Variants in ST6GALNAC3 observed in about 807,000 individuals in gnomAD.
ST6GALNAC3 encodes the protein ST6 N-acetylgalactosaminide alpha-2,6-sialyltransferase 3, also known as alpha-N-acetylgalactosaminide alpha-2,6-sialyltransferase 3.
ST6GALNAC3 carries 25 observed loss-of-function variants against 32.7 expected under a neutral mutation model. That is an observed-to-expected ratio of 0.76 (90% confidence interval 0.56 to 1.07). ST6GALNAC3 has a LOEUF of 1.07. Among genes scored for constraint, ST6GALNAC3 ranks in the 50% least tolerant of loss-of-function variants. The pLI, the probability that ST6GALNAC3 is intolerant of heterozygous loss-of-function variation, is 0.00. For synonymous variants in ST6GALNAC3, 129 were observed against 133.1 expected, an observed-to-expected ratio of 0.97 and a Z score of 0.21; for missense variants, 355 against 382.4, an observed-to-expected ratio of 0.93 and a Z score of 0.60.
intron 1 of ST6GALNAC3, among the ~76,000 whole-genome samples, chr1:76,154,373 C>G (rs1449128292): frequency 6.6e-6 from 1 of 152,112 alleles, no homozygotes; most frequent in Non-Finnish European, 1.5e-5. Flanking sequence ...AGTGAAGTCC[C>G]CGAAGAGCAC....
At chr1:76,382,165 C>T (rs1206160112) in intron 2 of ST6GALNAC3, among the ~76,000 whole-genome samples, 2 of 152,082 alleles carry the variant, frequency 1.3e-5, no homozygotes, top group Admixed American at 6.6e-5. Context: ...AAGTGGAATC[C>T]TCTATGTAGG....
At chr1:76,530,766 A>G (rs1663203151) in intron 3 of ST6GALNAC3, among the ~76,000 whole-genome samples, 1 of 152,234 alleles carries the variant, frequency 6.6e-6, no homozygotes, top group Non-Finnish European at 1.5e-5. Flanking sequence ...ATTGAGGCTT[A>G]GAGAGATTAA....
intron 1 of ST6GALNAC3, among the ~76,000 whole-genome samples, chr1:76,110,614 C>T (rs1423375127): frequency 5.9e-5 from 9 of 152,200 alleles, no homozygotes; most frequent in African/African-American, 1.2e-4. Context: ...CTAGACCTGA[C>T]AGTCCAAGGA....
intron 3 of ST6GALNAC3, among the ~76,000 whole-genome samples, chr1:76,615,593 A>AT (rs1204459609): frequency 2.0e-5 from 3 of 152,196 alleles, no homozygotes; most frequent in Admixed American, 2.0e-4. Flanking sequence ...AGTTCTTCTC[A>AT]TTTTTATAGC....
chr1:76,598,234 C>T (rs986757396), intron 3 of ST6GALNAC3, among the ~76,000 whole-genome samples: 36 of 152,256 alleles, frequency 2.4e-4, no homozygotes, highest in African/African-American at 8.7e-4. Flanking sequence ...GCTCCAAACA[C>T]CATCACGACA....
chr1:76,083,308 G>A (rs958825366), intron 1 of ST6GALNAC3, among the ~76,000 whole-genome samples: 3 of 152,254 alleles, frequency 2.0e-5, no homozygotes, highest in Admixed American at 6.5e-5. Context: ...ATGCACTTGC[G>A]GTGAGCAGGG....
At chr1:76,529,409 G>A (rs1393768765) in intron 3 of ST6GALNAC3, among the ~76,000 whole-genome samples, 2 of 152,146 alleles carry the variant, frequency 1.3e-5, no homozygotes, top group African/African-American at 4.8e-5. Context: ...TTTAAAAGGT[G>A]AAGTGCTATA....
rs1649387355 is a variant in ST6GALNAC3 at position 76,633,266 on chromosome 1, T to A, written c.*4460T>A. The stretch of plus-strand genomic sequence containing the variant: ...AGCTGGAAAAAGAATGCCTAACTGA[T>A]TTACTAAAGAGTCTATTCATGGAAT... On this transcript the variant is annotated 3_prime_UTR_variant, in exon 5 of 5. Coordinates refer to ENST00000328299, the MANE Select transcript of ST6GALNAC3 (RefSeq NM_152996.4). 6.6e-6 allele frequency: 1 copy of A among 152,186 alleles called. No individual in the cohort carries two copies. Among genetic ancestry groups the A allele is most frequent in the Non-Finnish European group, 1.5e-5 (1 of 68,032 alleles). The allele number at this position is 152,186 out of a possible 1,614,324, so 9.4% of individuals were successfully genotyped here. A position where few individuals can be genotyped will look rare whatever the true frequency, so the allele number is the denominator to read the frequency against.
intron 1 of ST6GALNAC3, among the ~76,000 whole-genome samples, chr1:76,259,281 T>C (rs894293204): frequency 3.9e-5 from 6 of 152,234 alleles, no homozygotes; most frequent in East Asian, 1.9e-4. Context: ...AAACAGCAGA[T>C]ACAGTAGAGA....
chr1:76,132,669 C>T lies in ST6GALNAC3; in HGVS notation c.18+57785C>T, dbSNP rs142860521. On this transcript the variant is annotated intron_variant, in intron 1 of 4. Coordinates refer to ENST00000328299, the MANE Select transcript of ST6GALNAC3 (RefSeq NM_152996.4). ...ACTGCTCAGGTCTCATCCACAGCTA[C>T]AGTGGCTTCCACCTTGCAGCTCCCT... Among the ~76,000 whole-genome samples the T allele has an allele frequency of 2.4e-3, 371 of 152,300 alleles. 1 individual carries two copies. The highest frequency in any genetic ancestry group is 0.02 in the South Asian group (97 of 4,830).
chr1:76,480,760 A>G (rs1659670683), intron 3 of ST6GALNAC3, among the ~76,000 whole-genome samples: 1 of 152,166 alleles, frequency 6.6e-6, no homozygotes, highest in South Asian at 2.1e-4. Flanking sequence ...GGTAATAATA[A>G]TAAGTAATCA....
At chr1:76,246,235 C>CT (rs1293362120) in intron 1 of ST6GALNAC3, among the ~76,000 whole-genome samples, 1 of 151,874 alleles carries the variant, frequency 6.6e-6, no homozygotes, top group Non-Finnish European at 1.5e-5. Context: ...GCAACTCCTG[C>CT]TTTTTTTTGG....
chr1:76,377,022 A>G (rs781609094), intron 2 of ST6GALNAC3, among the ~76,000 whole-genome samples: 1 of 152,160 alleles, frequency 6.6e-6, no homozygotes, highest in Non-Finnish European at 1.5e-5. Flanking sequence ...CTACAAGTTA[A>G]ATTTAAAAAT....
intron 1 of ST6GALNAC3, among the ~76,000 whole-genome samples, chr1:76,240,735 G>A (rs1043502413): frequency 1.3e-5 from 2 of 152,088 alleles, no homozygotes; most frequent in African/African-American, 2.4e-5. Flanking sequence ...GAGCAGGCAC[G>A]TGCACACACA....
intron 1 of ST6GALNAC3, among the ~76,000 whole-genome samples, chr1:76,100,931 T>A (rs1647210191): frequency 6.6e-6 from 1 of 152,052 alleles, no homozygotes; most frequent in African/African-American, 2.4e-5. Context: ...CATATAACCC[T>A]TGCCCCATCC....
chr1:76,359,198 A>T (rs1649734150), intron 2 of ST6GALNAC3, among the ~76,000 whole-genome samples: 1 of 152,212 alleles, frequency 6.6e-6, no homozygotes, highest in African/African-American at 2.4e-5. Flanking sequence ...AGGAAATGAC[A>T]GGATCCTATT....
chr1:76,118,526 G>A (rs1648639162), intron 1 of ST6GALNAC3, among the ~76,000 whole-genome samples: 1 of 152,148 alleles, frequency 6.6e-6, no homozygotes, highest in Non-Finnish European at 1.5e-5. Flanking sequence ...GTTGGGCAGA[G>A]CTGGTCTGGA....
chr1:76,483,169 G>C (rs1659850797), intron 3 of ST6GALNAC3, among the ~76,000 whole-genome samples: 1 of 152,140 alleles, frequency 6.6e-6, no homozygotes, highest in Non-Finnish European at 1.5e-5. Context: ...GTTGTGAATA[G>C]TGCCGCAATA....
chr1:76,180,274 A>G (rs1486044566), intron 1 of ST6GALNAC3, among the ~76,000 whole-genome samples: 1 of 152,212 alleles, frequency 6.6e-6, no homozygotes. Context: ...CTCAGATTCA[A>G]GTTTTCTAAT....
Sources: gnomAD v4.1 joint callset for allele counts (sites outside exome capture counted in the v4.1 genomes callset) on GRCh38, gnomAD v4.1.1 for gene constraint, MANE v1.5 for transcripts, NCBI Gene and HGNC (gene_info 2026-07-23, HGNC 2026-07-21) for gene names.